Variants in CAP2 observed in about 807,000 individuals in gnomAD.
CAP2 encodes the protein cyclase associated actin cytoskeleton regulatory protein 2, also known as adenylyl cyclase-associated protein 2.
CAP2 carries 24 observed loss-of-function variants against 57.7 expected under a neutral mutation model. The ratio of observed to expected loss-of-function variants is 0.42; its 90% confidence interval spans 0.30 to 0.58. CAP2 has a LOEUF of 0.58. CAP2 is among the 20% of genes least tolerant of loss of function. The pLI is 0.22. For synonymous variants in CAP2, 194 were observed against 207.2 expected, an observed-to-expected ratio of 0.94 and a Z score of 0.55; for missense variants, 501 against 590.3, an observed-to-expected ratio of 0.85 and a Z score of 1.57.
chr6:17,539,168 C>T, intron 7 of CAP2, 101 bp from the exon 8 acceptor site: 1 of 1,098,968 alleles, frequency 9.1e-7, no homozygotes, highest in Non-Finnish European at 1.3e-6. Context: ...CAGGCTTCAA[C>T]CCCACTCTCT....
chr6:17,406,817 C>T (rs563329004), intron 1 of CAP2, among the ~76,000 whole-genome samples: 87 of 152,260 alleles, frequency 5.7e-4, no homozygotes, highest in African/African-American at 1.6e-3. Context: ...CTGGGCTTGC[C>T]TCACACTCTT....
At chr6:17,398,528 CT>C (rs71536724) in intron 1 of CAP2, among the ~76,000 whole-genome samples, 176 of 144,420 alleles carry the variant, frequency 1.2e-3, no homozygotes, top group Admixed American at 2.3e-3. Flanking sequence ...CGATTTTAAA[CT>C]TTTTTTTTTT....
chr6:17,476,592 A>AC (rs767863039), intron 4 of CAP2, among the ~76,000 whole-genome samples: 1 of 152,186 alleles, frequency 6.6e-6, no homozygotes, highest in African/African-American at 2.4e-5. Flanking sequence ...CTGAGGCTGT[A>AC]CCCAGGAGTG....
intron 9 of CAP2, among the ~76,000 whole-genome samples, chr6:17,541,537 G>A (rs561652134): frequency 6.2e-4 from 94 of 152,022 alleles, no homozygotes; most frequent in African/African-American, 2.1e-3. Flanking sequence ...CCGAGATCAC[G>A]CCACTGCACT....
At position 17,478,832 on chromosome 6, in the gene CAP2, A is replaced by C. The variant is rs147768471; in HGVS notation, c.300+15759A>C. 3.1e-3 allele frequency among the ~76,000 whole-genome samples: 478 copies of C among 152,110 alleles called. 6 individuals are homozygous for C. The highest frequency in any genetic ancestry group is 0.011 in the African/African-American group (448 of 41,492). ...TTTCCCAGTGCCCTGCTTGCTTCTT[A>C]ATTGTCCTCATTCCATTCAGCCTCC... is the stretch of plus-strand genomic sequence containing the variant. On this transcript the variant is annotated intron_variant, in intron 4 of 12. Coordinates refer to ENST00000229922, the MANE Select transcript of CAP2 (RefSeq NM_006366.3).
At chr6:17,501,505 T>C (rs1404402893) in intron 4 of CAP2, among the ~76,000 whole-genome samples, 5 of 152,210 alleles carry the variant, frequency 3.3e-5, no homozygotes, top group Non-Finnish European at 7.3e-5. Flanking sequence ...GACTGAACCA[T>C]TTTCCACCTG....
intron 7 of CAP2, among the ~76,000 whole-genome samples, chr6:17,533,078 C>CAAAAAA (rs58337644): frequency 0.024 from 2,119 of 87,256 alleles, 21 homozygotes; most frequent in Non-Finnish European, 0.03. Context: ...CACCCCCCAC[C>CAAAAAA]AAAAAAAAAA....
chr6:17,505,756 A>G (rs1761964697), intron 4 of CAP2, among the ~76,000 whole-genome samples: 1 of 152,230 alleles, frequency 6.6e-6, no homozygotes, highest in Non-Finnish European at 1.5e-5. Flanking sequence ...TCTGCTTTTC[A>G]ACACACCTAG....
At chr6:17,405,482 G>A (rs765802881) in intron 1 of CAP2, among the ~76,000 whole-genome samples, 1 of 150,148 alleles carries the variant, frequency 6.7e-6, no homozygotes, top group South Asian at 2.1e-4. Flanking sequence ...CATAATAAAG[G>A]TTATGTGAAT....
intron 4 of CAP2, among the ~76,000 whole-genome samples, chr6:17,488,746 G>A (rs1465685275): frequency 6.6e-6 from 1 of 152,170 alleles, no homozygotes; most frequent in Non-Finnish European, 1.5e-5. Flanking sequence ...TCCTTATAGA[G>A]CTGCAGTTTG....
intron 6 of CAP2, among the ~76,000 whole-genome samples, chr6:17,508,212 CAG>C (rs2113659389): frequency 6.6e-6 from 1 of 152,274 alleles, no homozygotes; most frequent in East Asian, 1.9e-4. Flanking sequence ...GGGGTGTACG[CAG>C]AGACACCTGG....
At position 17,461,992 on chromosome 6, in the gene CAP2, C is replaced by CAAAAAAAAA. The variant is rs567675285; in HGVS notation, c.223-981_223-973dup. Among the ~76,000 whole-genome samples, 50 of 27,864 alleles carry CAAAAAAAAA rather than the reference C, an allele frequency of 1.8e-3. 3 individuals carry two copies. Among genetic ancestry groups the CAAAAAAAAA allele is most frequent in the Non-Finnish European group, 5.1e-3 (33 of 6,532 alleles). 18.3% of individuals were successfully genotyped at this position (27,864 alleles called of 152,430 possible). ...TGGGCAACAGGGCGAGACTCCGTCTCAAAAAAAAAAAAAAAAAAAAAAAAA... is the reference window on the plus strand; with the variant it reads ...TGGGCAACAGGGCGAGACTCCGTCTCAAAAAAAAAAAAAAAAAAAAAAAAAAAAAAAAAA... On this transcript the variant is annotated intron_variant, in intron 3 of 12. Coordinates refer to ENST00000229922, the MANE Select transcript of CAP2 (RefSeq NM_006366.3).
chr6:17,464,507 T>C (rs534673774), intron 4 of CAP2, among the ~76,000 whole-genome samples: 2 of 152,178 alleles, frequency 1.3e-5, no homozygotes, highest in Non-Finnish European at 2.9e-5. Flanking sequence ...GCTTGTGCAG[T>C]AGAATCACCT....
At chr6:17,519,589 T>C (rs1762346594) in intron 7 of CAP2, among the ~76,000 whole-genome samples, 1 of 152,186 alleles carries the variant, frequency 6.6e-6, no homozygotes, top group Non-Finnish European at 1.5e-5. Flanking sequence ...CAGTGCTAAG[T>C]TTCAAATGCA....
chr6:17,424,796 C>T (rs934780513), intron 2 of CAP2, among the ~76,000 whole-genome samples: 3 of 152,138 alleles, frequency 2.0e-5, no homozygotes, highest in African/African-American at 7.2e-5. Flanking sequence ...GGAAAATATT[C>T]CCTTTTATCA....
chr6:17,404,344 G>A (rs1038765429), intron 1 of CAP2, among the ~76,000 whole-genome samples: 1 of 152,186 alleles, frequency 6.6e-6, no homozygotes, highest in Non-Finnish European at 1.5e-5. Flanking sequence ...GGTGGCTCAT[G>A]CCTGTAATCC....
At chr6:17,547,642 C>A (rs569682745) in intron 11 of CAP2, among the ~76,000 whole-genome samples, 3 of 151,724 alleles carry the variant, frequency 2.0e-5, no homozygotes, top group Non-Finnish European at 4.4e-5. Flanking sequence ...GAGATTGAGA[C>A]CATCCTGGCT....
rs567209942 is a variant in CAP2, at chr6:17,469,727, C to T, written c.300+6654C>T. 6.6e-5 allele frequency among the ~76,000 whole-genome samples: 10 copies of T among 152,214 alleles called. No homozygotes were observed. The South Asian group carries it at 1.7e-3, about 25-fold the overall frequency. On this transcript the variant is annotated intron_variant, in intron 4 of 12. Transcript: ENST00000229922. ...AGGCATCTAAAACTGATTCTCTTTC[C>T]TTTCATTGTTTATACAATCTGAAAA...
At chr6:17,493,462 A>G (rs1465500039) in intron 4 of CAP2, 4 of 254,790 alleles carry the variant, frequency 1.6e-5, no homozygotes, top group Non-Finnish European at 3.3e-5. Context: ...GACTGTACCC[A>G]TAATGGAGGC....
Sources: allele counts gnomAD v4.1 joint callset (sites outside exome capture counted in the v4.1 genomes callset), GRCh38; gene constraint gnomAD v4.1.1; transcripts MANE v1.5; gene names NCBI Gene and HGNC (gene_info 2026-07-23, HGNC 2026-07-21).